The following LOC128462377 variants were observed in gnomAD, a reference collection of about 807,000 sequenced individuals.
chr16:89,365,446 C>T, the LOC128462377 span, among the ~76,000 whole-genome samples: 1 of 152,202 alleles, frequency 6.6e-6, no homozygotes, highest in Admixed American at 6.5e-5. Context: ...TGCAGGGGAG[C>T]CTCCCAGATG....
At chr16:89,359,045 C>G in the LOC128462377 span, among the ~76,000 whole-genome samples, 1 of 151,994 alleles carries the variant, frequency 6.6e-6, no homozygotes, top group Non-Finnish European at 1.5e-5. Flanking sequence ...ATGTCTAAAT[C>G]GTCAGTATTA....
At chr16:89,372,161 C>T in the LOC128462377 span, among the ~76,000 whole-genome samples, 2 of 152,196 alleles carry the variant, frequency 1.3e-5, no homozygotes, top group Non-Finnish European at 2.9e-5. Context: ...GAAGAAGGAC[C>T]GGCGCCCACT....
At chr16:89,396,136 A>G in the LOC128462377 span, 2 of 152,246 alleles carry the variant, frequency 1.3e-5, no homozygotes, top group Non-Finnish European at 2.9e-5. Flanking sequence ...TGAAAATTCA[A>G]GCTTTCAAAG....
the LOC128462377 span, among the ~76,000 whole-genome samples, chr16:89,334,928 C>T: frequency 6.6e-6 from 1 of 152,070 alleles, no homozygotes; most frequent in Non-Finnish European, 1.5e-5. Context: ...CCCCATGGTG[C>T]TGGGGGCCAG....
chr16:89,328,370 T>C, the LOC128462377 span, among the ~76,000 whole-genome samples: 2 of 152,208 alleles, frequency 1.3e-5, no homozygotes, highest in African/African-American at 2.4e-5. Context: ...TGGAACCTCA[T>C]GTGAACACAA....
chr16:89,389,367 T>C, the LOC128462377 span, among the ~76,000 whole-genome samples: 9 of 151,442 alleles, frequency 5.9e-5, no homozygotes, highest in Admixed American at 2.6e-4. Flanking sequence ...AAATAAAAAG[T>C]ATATTGAAAA....
chr16:89,322,209 CCAAGCCCCCTT>C, the LOC128462377 span, among the ~76,000 whole-genome samples: 1 of 152,218 alleles, frequency 6.6e-6, no homozygotes, highest in African/African-American at 2.4e-5. Context: ...TATTAAAACA[CCAAGCCCCCTT>C]ACACCTGGGT....
At chr16:89,364,898 C>T in the LOC128462377 span, among the ~76,000 whole-genome samples, 2 of 152,216 alleles carry the variant, frequency 1.3e-5, no homozygotes, top group Non-Finnish European at 2.9e-5. Context: ...AGGGAAAAGC[C>T]TCATCGAATG....
At chr16:89,376,708 G>A in the LOC128462377 span, among the ~76,000 whole-genome samples, 1 of 152,172 alleles carries the variant, frequency 6.6e-6, no homozygotes, top group Admixed American at 6.5e-5. Flanking sequence ...CTAAGTGCTG[G>A]GATTACAGGC....
At chr16:89,387,133 G>A in the LOC128462377 span, among the ~76,000 whole-genome samples, 2 of 152,038 alleles carry the variant, frequency 1.3e-5, no homozygotes, top group East Asian at 3.9e-4. Context: ...GGGTGGGAGA[G>A]GTAGGTCACA....
the LOC128462377 span, among the ~76,000 whole-genome samples, chr16:89,359,535 G>A: frequency 1.3e-5 from 2 of 152,162 alleles, no homozygotes; most frequent in African/African-American, 2.4e-5. Context: ...TCCTTGTTCC[G>A]GCCCTGCAGT....
the LOC128462377 span, among the ~76,000 whole-genome samples, chr16:89,411,350 G>A: frequency 7.2e-5 from 11 of 152,328 alleles, 1 homozygote; most frequent in South Asian, 2.1e-4. Flanking sequence ...TGACTGCACC[G>A]GAAGAGGAGC....
chr16:89,362,398 G>GA, the LOC128462377 span, among the ~76,000 whole-genome samples: 4 of 152,152 alleles, frequency 2.6e-5, no homozygotes, highest in South Asian at 2.1e-4. Flanking sequence ...GAGAGTGCAC[G>GA]AAAGTTCCAT....
chr16:89,407,852 C>CAAAAAAA, the LOC128462377 span, among the ~76,000 whole-genome samples: 2 of 111,436 alleles, frequency 1.8e-5, no homozygotes, highest in African/African-American at 3.3e-5. Flanking sequence ...TGTCTCCCTC[C>CAAAAAAA]AAAAAAAAAA....
At chr16:89,379,046 G>A in the LOC128462377 span, among the ~76,000 whole-genome samples, 2 of 152,198 alleles carry the variant, frequency 1.3e-5, no homozygotes, top group Non-Finnish European at 2.9e-5. Flanking sequence ...ATTCACTGTC[G>A]CTTAGAACTG....
At chr16:89,360,406 C>A in the LOC128462377 span, 1 of 152,180 alleles carries the variant, frequency 6.6e-6, no homozygotes, top group Non-Finnish European at 1.5e-5. Flanking sequence ...TTTCCATCTT[C>A]ATCACTTGAT....
At chr16:89,317,753 A>G in the LOC128462377 span, among the ~76,000 whole-genome samples, 233 of 152,242 alleles carry the variant, frequency 1.5e-3, no homozygotes, top group African/African-American at 5.4e-3. Flanking sequence ...TATTAATTGT[A>G]TATTATTTTT....
chr16:89,367,106 C>T, the LOC128462377 span, among the ~76,000 whole-genome samples: 1 of 152,206 alleles, frequency 6.6e-6, no homozygotes, highest in Admixed American at 6.5e-5. Context: ...CCGAGACTCA[C>T]CGGATACTCA....
At chr16:89,358,782 G>A in the LOC128462377 span, among the ~76,000 whole-genome samples, 1 of 151,912 alleles carries the variant, frequency 6.6e-6, no homozygotes, top group African/African-American at 2.4e-5. Context: ...CCCCTGTGCC[G>A]CTAAAACCCA....
Sources: allele counts gnomAD v4.1 joint callset (sites outside exome capture counted in the v4.1 genomes callset), GRCh38; gene constraint gnomAD v4.1.1; transcripts MANE v1.5.